Variants in LRRTM4 observed in about 807,000 individuals in gnomAD.
LRRTM4 encodes leucine rich repeat transmembrane neuronal 4.
Under a neutral mutation model 47.6 loss-of-function variants are expected in LRRTM4, and 25 were observed. The ratio of observed to expected loss-of-function variants is 0.53; its 90% CI spans 0.38 to 0.73. The LOEUF (loss-of-function observed/expected upper bound fraction) is 0.73. Ranked by LOEUF, LRRTM4 falls within the 30% of genes least tolerant of loss-of-function variation. LRRTM4 has a pLI of 0.00. For synonymous variants in LRRTM4, 311 were observed against 269.5 expected, an observed-to-expected ratio of 1.15 and a Z score of -1.51; for missense variants, 638 against 713.4, an observed-to-expected ratio of 0.89 and a Z score of 1.20.
rs567801617 is a variant in LRRTM4, at chr2:76,781,243, GAGGC to G, written c.1552-32331_1552-32328del. On this transcript the variant is annotated intron_variant, in intron 3 of 3. Transcript: ENST00000409884. ...CCTGCCCCCAGAGGTGGAGCCTACA[GAGGC>G]AGGCAGGCCTCCTTGAGCTGTGGTG... Among the ~76,000 whole-genome samples the G allele has an allele frequency of 1.9e-3, 294 of 152,370 alleles. 2 individuals are homozygous for G. In the South Asian group the frequency reaches 0.036, roughly 19 times the overall value.
At chr2:77,030,108 T>C (rs1313689981) in intron 3 of LRRTM4, among the ~76,000 whole-genome samples, 6 of 152,184 alleles carry the variant, frequency 3.9e-5, no homozygotes, top group African/African-American at 1.4e-4. Flanking sequence ...GTTCCAATTA[T>C]CACAGATTTA....
At chr2:76,774,389 A>G (rs1673864144) in intron 3 of LRRTM4, among the ~76,000 whole-genome samples, 1 of 152,030 alleles carries the variant, frequency 6.6e-6, no homozygotes, top group Admixed American at 6.6e-5. Context: ...AAGGGGTTTC[A>G]CCATGTTGGC....
At position 77,519,966 on chromosome 2, in the gene LRRTM4, G is replaced by T; in HGVS notation, c.5-102C>A. On this transcript the variant is annotated intron_variant, in intron 2 of 3. Coordinates refer to ENST00000409884, the MANE Select transcript of LRRTM4 (RefSeq NM_001134745.3). The surrounding 1 kb of genome is among the most constrained non-coding windows in gnomAD (Gnocchi z 4.6). The stretch of plus-strand genomic sequence containing the variant: ...GGCATTTCCTCTAGTGTAGGAATGG[G>T]ACAGTTGATTTAAGGAAAATGCATT... The T allele has an allele frequency of 6.9e-7, 1 of 1,439,452 alleles. No individual in the cohort carries two copies. 89.2% of individuals were successfully genotyped at this position (1,439,452 alleles called of 1,614,324 possible).
intron 3 of LRRTM4, among the ~76,000 whole-genome samples, chr2:77,050,146 T>C (rs1291686139): frequency 2.0e-5 from 3 of 146,450 alleles, no homozygotes; most frequent in Non-Finnish European, 4.5e-5. Context: ...TTTTTTTTTT[T>C]GCTTTGATTT....
intron 3 of LRRTM4, among the ~76,000 whole-genome samples, chr2:76,854,692 C>G (rs1672095561): frequency 6.6e-6 from 1 of 152,132 alleles, no homozygotes; most frequent in Non-Finnish European, 1.5e-5. Flanking sequence ...TCTAGATTAT[C>G]TAACTTAGAT....
intron 3 of LRRTM4, among the ~76,000 whole-genome samples, chr2:77,411,800 C>T (rs1674451613): frequency 6.6e-6 from 1 of 151,734 alleles, no homozygotes; most frequent in South Asian, 2.1e-4. Context: ...ACCTAGCTCT[C>T]ATCTGATCAA....
chr2:77,478,519 C>T (rs886255978), intron 3 of LRRTM4, among the ~76,000 whole-genome samples: 3 of 152,074 alleles, frequency 2.0e-5, no homozygotes, highest in Non-Finnish European at 2.9e-5. Flanking sequence ...TTTCTGAGTT[C>T]CTTAAGGAAA....
chr2:77,468,624 C>T lies in LRRTM4; in HGVS notation c.1551+49694G>A, dbSNP rs190998354. ...CAGCACGGTGAATGCCAGCACAGGC[C>T]TTGGTGCAGAGTGCTCTGGGGCCAT... On this transcript the variant is annotated intron_variant, in intron 3 of 3. Transcript: ENST00000409884. 5.3e-5 allele frequency among the ~76,000 whole-genome samples: 8 copies of T among 152,268 alleles called. No homozygotes were observed. The East Asian group carries it at 1.5e-3, about 29-fold the overall frequency.
intron 3 of LRRTM4, among the ~76,000 whole-genome samples, chr2:76,893,835 T>G (rs1321323695): frequency 6.6e-6 from 1 of 151,888 alleles, no homozygotes; most frequent in African/African-American, 2.4e-5. Context: ...AAATCAGATC[T>G]GAAAAACTCA....
At chr2:76,874,380 T>C (rs1672721822) in intron 3 of LRRTM4, among the ~76,000 whole-genome samples, 1 of 152,016 alleles carries the variant, frequency 6.6e-6, no homozygotes, top group Non-Finnish European at 1.5e-5. Flanking sequence ...TGTAATCACC[T>C]TGAGGGCAAG....
At chr2:77,184,021 A>G (rs1416230497) in intron 3 of LRRTM4, among the ~76,000 whole-genome samples, 1 of 152,180 alleles carries the variant, frequency 6.6e-6, no homozygotes, top group Non-Finnish European at 1.5e-5. Context: ...AACATGGCAT[A>G]TGTATACATA....
intron 3 of LRRTM4, among the ~76,000 whole-genome samples, chr2:76,767,087 C>T (rs922528454): frequency 2.0e-5 from 3 of 152,096 alleles, no homozygotes; most frequent in African/African-American, 7.2e-5. Context: ...TTTTTCACCA[C>T]CCTTTGCAGA....
chr2:77,343,269 C>T (rs1671441540), intron 3 of LRRTM4, among the ~76,000 whole-genome samples: 1 of 151,892 alleles, frequency 6.6e-6, no homozygotes, highest in Admixed American at 6.6e-5. Flanking sequence ...TGCTACAAAA[C>T]AGTTCTCCTA....
intron 3 of LRRTM4, among the ~76,000 whole-genome samples, chr2:76,792,476 A>T (rs1317491558): frequency 6.6e-6 from 1 of 152,206 alleles, no homozygotes; most frequent in East Asian, 1.9e-4. Context: ...AAGGATATAC[A>T]TCAATTCCTG....
At position 77,110,109 on chromosome 2, in the gene LRRTM4, C is replaced by T. The variant is rs377306771; in HGVS notation, c.1552-361193G>A. Among the ~76,000 whole-genome samples, 5 of 152,088 alleles carry T rather than the reference C, an allele frequency of 3.3e-5. No individual in the cohort carries two copies. The South Asian group carries it at 1.0e-3, about 31-fold the overall frequency. On this transcript the variant is annotated intron_variant, in intron 3 of 3. Transcript: ENST00000409884. ...AAAGGCATGAATCCTTAGACACAGA[C>T]ATCACAGGAAGATGTAAGCAGGATA...
At chr2:76,799,401 A>G (rs1313091922) in intron 3 of LRRTM4, among the ~76,000 whole-genome samples, 2 of 120,356 alleles carry the variant, frequency 1.7e-5, no homozygotes, top group South Asian at 2.9e-4. Context: ...AAATTCAACA[A>G]CCCTTCATGC....
chr2:77,459,311 AT>A (rs2103968904), intron 3 of LRRTM4, among the ~76,000 whole-genome samples: 1 of 152,080 alleles, frequency 6.6e-6, no homozygotes, highest in South Asian at 2.1e-4. Flanking sequence ...CATAGTTTTA[AT>A]TTTTTTGGTT....
intron 3 of LRRTM4, among the ~76,000 whole-genome samples, chr2:77,225,182 G>C (rs1291771672): frequency 7.5e-6 from 1 of 133,014 alleles, no homozygotes; most frequent in African/African-American, 2.8e-5. Context: ...ATGGACACAG[G>C]AAGGGGAACA....
chr2:77,237,058 CCCT>C (rs1228196333), intron 3 of LRRTM4, among the ~76,000 whole-genome samples: 1 of 151,626 alleles, frequency 6.6e-6, no homozygotes, highest in South Asian at 2.1e-4. Context: ...AGGGAGGATT[CCCT>C]CCTCCTCCTT....
Sources: allele counts gnomAD v4.1 joint callset (sites outside exome capture counted in the v4.1 genomes callset), GRCh38; gene constraint gnomAD v4.1.1; non-coding constraint Gnocchi (gnomAD v3.1); transcripts MANE v1.5; gene names NCBI Gene and HGNC (gene_info 2026-07-23, HGNC 2026-07-21).